The following MTUS2 variants were observed in gnomAD, a reference collection of about 807,000 sequenced individuals.
MTUS2 encodes the protein microtubule associated scaffold protein 2.
Under a neutral mutation model 114.1 loss-of-function variants are expected in MTUS2, and 40 were observed. That is an observed-to-expected ratio of 0.35 (90% confidence interval 0.27 to 0.46). The LOEUF (loss-of-function observed/expected upper bound fraction) is 0.46, where lower values mean the gene tolerates loss of function less well. Among genes scored for constraint, MTUS2 ranks in the 20% least tolerant of loss-of-function variants. The probability of loss-of-function intolerance (pLI) is 1.00; values close to 1 mark genes in which losing one functional copy is unlikely to be tolerated. For missense variants in MTUS2, 1,679 were observed against 1,705.4 expected (o/e 0.98, Z 0.27); for synonymous variants, 688 against 672.0 (o/e 1.02, Z -0.37).
chr13:29,145,575 A>G (rs937584249), intron 5 of MTUS2, among the ~76,000 whole-genome samples: 1 of 152,140 alleles, frequency 6.6e-6, no homozygotes, highest in Non-Finnish European at 1.5e-5. Flanking sequence ...GGCCATTTCC[A>G]ATGTTCAGTT....
intron 7 of MTUS2, among the ~76,000 whole-genome samples, chr13:29,351,430 C>T (rs1869258294): frequency 6.6e-6 from 1 of 152,134 alleles, no homozygotes; most frequent in Admixed American, 6.5e-5. Context: ...CAAACATCCC[C>T]TGACCCTCAT....
chr13:28,823,148 T>G (rs115631109), intron 1 of MTUS2, among the ~76,000 whole-genome samples: 165 of 152,348 alleles, frequency 1.1e-3, no homozygotes, highest in African/African-American at 3.9e-3. Flanking sequence ...ATTAATAAAA[T>G]GTTAATAGGA....
chr13:29,111,490 C>T (rs1158171296), intron 5 of MTUS2, among the ~76,000 whole-genome samples: 1 of 152,114 alleles, frequency 6.6e-6, no homozygotes, highest in African/African-American at 2.4e-5. Context: ...GAGGAGGAAA[C>T]ATTTTCATAC....
chr13:28,838,572 A>C (rs1295873124), intron 1 of MTUS2, among the ~76,000 whole-genome samples: 1 of 152,064 alleles, frequency 6.6e-6, no homozygotes, highest in African/African-American at 2.4e-5. Flanking sequence ...TTCCCTCTGC[A>C]TCTTATTCCT....
chr13:28,823,263 T>C (rs1874033678), intron 1 of MTUS2, among the ~76,000 whole-genome samples: 1 of 152,238 alleles, frequency 6.6e-6, no homozygotes, highest in African/African-American at 2.4e-5. Context: ...GAAAATATCC[T>C]ACAGGAAACA....
chr13:29,178,056 C>T (rs7328324), intron 5 of MTUS2, among the ~76,000 whole-genome samples: 22,273 of 152,086 alleles, frequency 0.15, 1,863 homozygotes, highest in East Asian at 0.31. Flanking sequence ...TGCAGTGCCC[C>T]GGTGGTTGGC....
chr13:29,251,500 C>T (rs1327556052), intron 5 of MTUS2, among the ~76,000 whole-genome samples: 7 of 152,094 alleles, frequency 4.6e-5, no homozygotes, highest in Non-Finnish European at 5.9e-5. Context: ...TGTTGTGCAA[C>T]CATCACCACC....
At chr13:28,842,212 ATT>A (rs942008624) in intron 2 of MTUS2, among the ~76,000 whole-genome samples, 312 of 149,574 alleles carry the variant, frequency 2.1e-3, no homozygotes, top group African/African-American at 7.1e-3. Context: ...AAAAATGTGG[ATT>A]TTTTTTTTAA....
intron 5 of MTUS2, among the ~76,000 whole-genome samples, chr13:29,206,244 C>T (rs1475060137): frequency 6.6e-6 from 1 of 152,094 alleles, no homozygotes; most frequent in Non-Finnish European, 1.5e-5. Flanking sequence ...CTTTAGCCCA[C>T]TCTTGATGGG....
At position 28,841,442 on chromosome 13, in the gene MTUS2, C is replaced by T. The variant is rs374039544; in HGVS notation, c.-243+1592C>T. The stretch of plus-strand genomic sequence containing the variant: ...GTGGGGTGGTGAGGATGGTGGTGGC[C>T]GCTGGAGCGGCCGGAAGGTTGGTAG... On this transcript the variant is annotated intron_variant, in intron 2 of 15. Transcript: ENST00000612955. Among the ~76,000 whole-genome samples, 161 of 152,176 alleles carry T rather than the reference C, an allele frequency of 1.1e-3. 1 individual carries two copies. Among genetic ancestry groups the T allele is most frequent in the African/African-American group, 3.5e-3 (147 of 41,528 alleles).
chr13:29,226,204 GT>G (rs1896102631), intron 5 of MTUS2, among the ~76,000 whole-genome samples: 4 of 151,962 alleles, frequency 2.6e-5, no homozygotes, highest in South Asian at 4.2e-4. Context: ...TTCACTTTAG[GT>G]TAAGTTAAAA....
intron 10 of MTUS2, among the ~76,000 whole-genome samples, chr13:29,482,955 C>G (rs78693122): frequency 0.07 from 10,672 of 152,208 alleles, 535 homozygotes; most frequent in Non-Finnish European, 0.1. Context: ...GAAATGCACC[C>G]CAGGCCAACA....
At chr13:29,060,496 T>C (rs933040935) in intron 4 of MTUS2, among the ~76,000 whole-genome samples, 1 of 150,840 alleles carries the variant, frequency 6.6e-6, no homozygotes, top group Non-Finnish European at 1.5e-5. Context: ...GCTGTCTGTG[T>C]CCACCTGCTG....
intron 2 of MTUS2, among the ~76,000 whole-genome samples, chr13:28,935,085 T>G (rs1291164240): frequency 1.3e-5 from 2 of 149,688 alleles, no homozygotes; most frequent in Non-Finnish European, 3.0e-5. Flanking sequence ...TGCACTTGTG[T>G]GTCTGGCTTC....
chr13:29,439,784 T>C (rs896951558), intron 8 of MTUS2, among the ~76,000 whole-genome samples, 199 bp from the exon 9 acceptor site: 10 of 152,210 alleles, frequency 6.6e-5, no homozygotes, highest in African/African-American at 2.2e-4. Context: ...TGATGCAAGC[T>C]TTGCCATTTG....
chr13:28,831,887 G>C (rs1246987002), intron 1 of MTUS2, among the ~76,000 whole-genome samples: 1 of 151,850 alleles, frequency 6.6e-6, no homozygotes, highest in African/African-American at 2.4e-5. Context: ...CTCCCAAGTA[G>C]CTGAGACTAC....
At chr13:29,388,311 G>A (rs35581664) in intron 8 of MTUS2, among the ~76,000 whole-genome samples, 1 of 151,686 alleles carries the variant, frequency 6.6e-6, no homozygotes, top group South Asian at 2.1e-4. Flanking sequence ...TGTTGTCTTC[G>A]TACTTTTTTG....
chr13:29,425,705 A>C, intron 8 of MTUS2, among the ~76,000 whole-genome samples: 1 of 152,242 alleles, frequency 6.6e-6, no homozygotes, highest in Non-Finnish European at 1.5e-5. Context: ...ACAATTCTAC[A>C]ACATGAATAC....
intron 3 of MTUS2, among the ~76,000 whole-genome samples, chr13:29,033,567 T>C (rs1886924567): frequency 6.6e-6 from 1 of 152,086 alleles, no homozygotes; most frequent in Non-Finnish European, 1.5e-5. Context: ...TTTATTGACA[T>C]TTATAGTTTG....
Sources: allele counts gnomAD v4.1 joint callset (sites outside exome capture counted in the v4.1 genomes callset), GRCh38; gene constraint gnomAD v4.1.1; transcripts MANE v1.5; gene names NCBI Gene and HGNC (gene_info 2026-07-23, HGNC 2026-07-21).